RNF216: variants seen among roughly 807,000 people sequenced by gnomAD.
RNF216 encodes E3 ubiquitin-protein ligase RNF216.
RNF216 carries 72 observed loss-of-function variants against 110.8 expected under a neutral mutation model. The observed-to-expected ratio is 0.65, with a 90% CI of 0.54 to 0.79. RNF216 has a LOEUF of 0.79. Among genes scored for constraint, RNF216 ranks in the 30% least tolerant of loss-of-function variants. RNF216 has a pLI of 0.00. For synonymous variants in RNF216, 495 were observed against 407.5 expected (o/e 1.21, Z -2.59); for missense variants, 1,342 against 1,141.2 (o/e 1.18, Z -2.54).
intron 13 of RNF216, among the ~76,000 whole-genome samples, chr7:5,670,612 T>C (rs889450906): frequency 6.6e-6 from 1 of 152,270 alleles, no homozygotes; most frequent in Middle Eastern, 3.4e-3. Flanking sequence ...CCCCAAAGCA[T>C]GCTTAATCTC....
intron 2 of RNF216, among the ~76,000 whole-genome samples, chr7:5,759,246 C>G (rs1037713759): frequency 6.6e-6 from 1 of 152,138 alleles, no homozygotes; most frequent in Admixed American, 6.5e-5. Context: ...CCTATACAGC[C>G]TACAGAATTG....
At chr7:5,678,146 A>G (rs1394451635) in intron 13 of RNF216, among the ~76,000 whole-genome samples, 1 of 152,162 alleles carries the variant, frequency 6.6e-6, no homozygotes, top group East Asian at 1.9e-4. Context: ...AAATTTGCCA[A>G]TACTCAGGCA....
chr7:5,741,256 C>G lies in RNF216; in HGVS notation c.761G>C (p.Arg254Pro). ...EITNQVVPQE[R>P]QPEAELGRLL... Reference sequence around the variant, plus strand: ...GCGGCCCAGTTCTGCTTCAGGCTGCCGTTCCTGAGGAACGACCTGGTTTGT... The same window carrying G: ...GCGGCCCAGTTCTGCTTCAGGCTGCGGTTCCTGAGGAACGACCTGGTTTGT... Residue 254 changes from arginine (R) to proline (P), a missense_variant, in exon 4 of 17, where the codon CGG (arginine) becomes CCG (proline). Transcript: ENST00000389902. 1 of 1,614,070 alleles carries G rather than the reference C, an allele frequency of 6.2e-7. No individual in the cohort carries two copies. The highest frequency in any genetic ancestry group is 8.5e-7 in the Non-Finnish European group (1 of 1,180,014).
intron 13 of RNF216, among the ~76,000 whole-genome samples, chr7:5,701,078 A>T (rs2094270188): frequency 6.6e-6 from 1 of 152,284 alleles, no homozygotes; most frequent in South Asian, 2.1e-4. Flanking sequence ...GTGGACAGAG[A>T]GTGCAGACCC....
intron 13 of RNF216, among the ~76,000 whole-genome samples, chr7:5,670,540 T>C (rs1351583085): frequency 6.6e-6 from 1 of 152,164 alleles, no homozygotes. Flanking sequence ...CTTAGGAGAT[T>C]CCATCATTTC....
intron 13 of RNF216, among the ~76,000 whole-genome samples, chr7:5,677,426 CT>C (rs1247837552): frequency 1.3e-5 from 2 of 152,112 alleles, no homozygotes; most frequent in Non-Finnish European, 2.9e-5. Context: ...TTTTCTCAGG[CT>C]TTCCTCTATA....
At chr7:5,739,482 T>G (rs1352446223) in intron 4 of RNF216, 130 bp from the exon 5 acceptor site, 5 of 897,614 alleles carry the variant, frequency 5.6e-6, no homozygotes, top group Non-Finnish European at 9.0e-6. Flanking sequence ...CAGGTCTGTG[T>G]GTGTCTTCAA....
chr7:5,739,837 C>G (rs970031198), intron 4 of RNF216, among the ~76,000 whole-genome samples: 7 of 151,752 alleles, frequency 4.6e-5, no homozygotes, highest in Non-Finnish European at 7.4e-5. Flanking sequence ...CCCGTCTCTA[C>G]TAAAAAAATA....
intron 5 of RNF216, chr7:5,733,095 A>C (rs2128645615): frequency 6.6e-6 from 1 of 152,376 alleles, no homozygotes; most frequent in Middle Eastern, 3.4e-3. Flanking sequence ...CAGCCTGCTC[A>C]ACTCAGCTTT....
chr7:5,641,221 T>C lies in RNF216; in HGVS notation c.2315A>G (p.Gln772Arg). Residue 772 changes from glutamine to arginine, a missense_variant, in exon 15 of 17, where the codon CAA becomes CGA. Gln to Arg is a conservative substitution (Grantham distance 43). Transcript: ENST00000389902. ...AGGGGCTCCTGGTGAGCGGGGATGT[T>C]GGCAGAAATGGTCATATCCATTAAT... ...VSINGYDHFC[Q>R]HPRSPGAPCQ... 1 of 1,614,206 alleles carries C rather than the reference T, an allele frequency of 6.2e-7. No individual in the cohort carries two copies. Among genetic ancestry groups the C allele is most frequent in the Non-Finnish European group, 8.5e-7 (1 of 1,180,034 alleles).
intron 16 of RNF216, 113 bp from the exon 17 acceptor site, chr7:5,623,292 A>G: frequency 3.3e-6 from 3 of 917,168 alleles, no homozygotes; most frequent in Non-Finnish European, 4.8e-6. Context: ...CATGCTGATC[A>G]AAGCACAAAA....
chr7:5,759,106 G>A (rs374590754), intron 2 of RNF216, among the ~76,000 whole-genome samples: 1 of 152,138 alleles, frequency 6.6e-6, no homozygotes, highest in Non-Finnish European at 1.5e-5. Context: ...GTTTAAAAGT[G>A]TGTGGCACCT....
intron 1 of RNF216, among the ~76,000 whole-genome samples, chr7:5,767,446 G>C (rs1383888345): frequency 6.6e-6 from 1 of 152,122 alleles, no homozygotes; most frequent in Non-Finnish European, 1.5e-5. Context: ...AGAATCCACT[G>C]AGAAAGAACT....
rs186441468 is a variant in RNF216, at chr7:5,639,391, A to C, written c.2382+1763T>G. On this transcript the variant is annotated intron_variant, in intron 15 of 16. Coordinates refer to ENST00000389902, the MANE Select transcript of RNF216 (RefSeq NM_207111.4). ...TCTCTGTACTTACACATAGAGGAGA[A>C]ACACACTTCTGTTTTCCTTTTTTTT... is the stretch of plus-strand genomic sequence containing the variant. Among the ~76,000 whole-genome samples, 381 of 152,240 alleles carry C rather than the reference A, an allele frequency of 2.5e-3. 2 individuals are homozygous for C. The highest frequency in any genetic ancestry group is 6.8e-3 in the Middle Eastern group (2 of 294).
chr7:5,722,565 T>A lies in RNF216; in HGVS notation c.1505-1393A>T, dbSNP rs181702620. The stretch of plus-strand genomic sequence containing the variant: ...GCCACCATGCCCGGCTAATTTTTTG[T>A]ATTTTTAGTAAAGACGGGGTTTCAC... On this transcript the variant is annotated intron_variant, in intron 8 of 16. Transcript: ENST00000389902. Among the ~76,000 whole-genome samples the A allele has an allele frequency of 9.6e-3, 1,465 of 151,932 alleles. 13 individuals are homozygous for A. The highest frequency in any genetic ancestry group is 0.031 in the African/African-American group (1,296 of 41,468).
Position 5,641,291 on chromosome 7 carries a change from A to G in RNF216, c.2245T>C (p.Ser749Pro), listed in dbSNP as rs755758941. 1 of 1,614,172 alleles carries G rather than the reference A, an allele frequency of 6.2e-7. No individual in the cohort carries two copies. The highest frequency in any genetic ancestry group is 1.7e-5 in the Admixed American group (1 of 60,012). The stretch of plus-strand genomic sequence containing the variant: ...CACATCTGGGCACCACAGCGGCAAG[A>G]CATGCGGTTGCAGCCTTCAGATTTG... ...LIKSEGCNRM[S>P]CRCGAQMCYL... The change falls in exon 15 of 17, where the codon TCT becomes CCT. Residue 749 changes from serine (S) to proline (P), a missense_variant. Transcript: ENST00000389902.
intron 13 of RNF216, among the ~76,000 whole-genome samples, chr7:5,686,608 A>C (rs1791002761): frequency 1.3e-5 from 2 of 152,194 alleles, no homozygotes; most frequent in African/African-American, 2.4e-5. Context: ...CTCACTTAGA[A>C]CTGCACTTGT....
intron 13 of RNF216, among the ~76,000 whole-genome samples, chr7:5,661,794 C>T (rs938185724): frequency 6.6e-6 from 1 of 152,112 alleles, no homozygotes; most frequent in African/African-American, 2.4e-5. Flanking sequence ...GACAATGAGA[C>T]TCTGCTCAAA....
At chr7:5,668,487 T>C (rs1425663352) in intron 13 of RNF216, among the ~76,000 whole-genome samples, 23 of 152,196 alleles carry the variant, frequency 1.5e-4, no homozygotes. Flanking sequence ...CCTCCCAAAG[T>C]GCTGGGATTA....
Sources: allele counts gnomAD v4.1 joint callset (sites outside exome capture counted in the v4.1 genomes callset), GRCh38; gene constraint gnomAD v4.1.1; transcripts MANE v1.5; gene names NCBI Gene and HGNC (gene_info 2026-07-23, HGNC 2026-07-21).